Variants in RUNX1 observed in about 807,000 individuals in gnomAD.
The protein encoded by RUNX1 is RUNX family transcription factor 1.
A neutral mutation model predicts 42.8 loss-of-function variants in RUNX1; 19 were observed. The observed-to-expected ratio is 0.44, with a 90% CI of 0.31 to 0.65. RUNX1 has a LOEUF of 0.65. RUNX1 is among the 30% of genes least tolerant of loss of function. The pLI, the probability that RUNX1 is intolerant of heterozygous loss-of-function variation, is 0.07. For missense variants in RUNX1, 528 were observed against 672.0 expected (o/e 0.79, Z 2.37); for synonymous variants, 271 against 289.4 (o/e 0.94, Z 0.64).
At chr21:34,823,498 C>CAATG (rs1354969744) in intron 7 of RUNX1, among the ~76,000 whole-genome samples, 83 of 138,886 alleles carry the variant, frequency 6.0e-4, no homozygotes, top group African/African-American at 2.2e-3. Context: ...GGCTAGAGTA[C>CAATG]AATGGCCTGA....
chr21:35,047,042 C>T (rs921807421), intron 2 of RUNX1, among the ~76,000 whole-genome samples: 3 of 152,118 alleles, frequency 2.0e-5, no homozygotes, highest in African/African-American at 7.2e-5. Flanking sequence ...CAGCGTGTCC[C>T]TCACCATCTT....
intron 2 of RUNX1, among the ~76,000 whole-genome samples, chr21:34,945,477 C>T (rs2058557518): frequency 6.6e-6 from 1 of 152,162 alleles, no homozygotes; most frequent in Non-Finnish European, 1.5e-5. Flanking sequence ...CCTCCAAATT[C>T]TCACTATCTT....
rs190351479 is a variant in RUNX1 at position 34,881,837 on chromosome 21, T to A, written c.352-1124A>T. 5.9e-5 allele frequency among the ~76,000 whole-genome samples: 9 copies of A among 152,350 alleles called. No individual in the cohort carries two copies. In the East Asian group the frequency reaches 1.7e-3, roughly 29 times the overall value. On this transcript the variant is annotated intron_variant, in intron 4 of 8. Coordinates refer to ENST00000675419, the MANE Select transcript of RUNX1 (RefSeq NM_001754.5). ...TATCATTTAGGCCTTCTAGAAACTATTTTCTTGGTCTAGACATTTACTATT... is the reference window on the plus strand; with the variant it reads ...TATCATTTAGGCCTTCTAGAAACTAATTTCTTGGTCTAGACATTTACTATT...
rs974898619 is a variant in RUNX1 at position 34,923,582 on chromosome 21, G to C, written c.59-30619C>G. Reference sequence around the variant, plus strand: ...TTGTTGACCTAGTTTATAAAGTCTAGGCATTCCACGGGAATTCAAGGTGCA... The same window carrying C: ...TTGTTGACCTAGTTTATAAAGTCTACGCATTCCACGGGAATTCAAGGTGCA... On this transcript the variant is annotated intron_variant, in intron 2 of 8. Transcript: ENST00000675419. Among the ~76,000 whole-genome samples the C allele has an allele frequency of 2.6e-5, 4 of 152,132 alleles. No individual in the cohort carries two copies. The East Asian group carries it at 5.8e-4, about 22-fold the overall frequency.
chr21:34,849,333 T>TATAATATATA (rs2057369403), intron 6 of RUNX1, among the ~76,000 whole-genome samples: 2 of 29,450 alleles, frequency 6.8e-5, no homozygotes, highest in African/African-American at 2.1e-4. Context: ...TTATATATAC[T>TATAATATATA]ATATATATTA....
Position 34,791,195 on chromosome 21 carries a change from C to T in RUNX1, c.*940G>A, listed in dbSNP as rs566702179. The stretch of plus-strand genomic sequence containing the variant: ...TAATGTAAACAATACTTCTGGATAA[C>T]CAAGCGATCACATTACTCATTCTTT... On this transcript the variant is annotated 3_prime_UTR_variant, in exon 9 of 9. Coordinates refer to ENST00000675419, the MANE Select transcript of RUNX1 (RefSeq NM_001754.5). The T allele has an allele frequency of 7.3e-5, 17 of 233,458 alleles. No individual in the cohort carries two copies. The South Asian group carries it at 2.9e-3, about 40-fold the overall frequency. 14.5% of individuals were successfully genotyped at this position (233,458 alleles called of 1,614,324 possible). A position where few individuals can be genotyped will look rare whatever the true frequency, so the allele number is the denominator to read the frequency against.
intron 2 of RUNX1, among the ~76,000 whole-genome samples, chr21:35,033,044 T>A (rs541468344): frequency 1.8e-4 from 27 of 152,292 alleles, no homozygotes; most frequent in African/African-American, 6.3e-4. Context: ...TATCTATCCA[T>A]CTACCTGCCT....
At chr21:34,832,714 C>T (rs549195895) in intron 7 of RUNX1, among the ~76,000 whole-genome samples, 1 of 152,068 alleles carries the variant, frequency 6.6e-6, no homozygotes, top group Non-Finnish European at 1.5e-5. Flanking sequence ...ACTGAACATA[C>T]CATTTGACTT....
intron 2 of RUNX1, among the ~76,000 whole-genome samples, chr21:35,024,173 C>A (rs1245815829): frequency 6.6e-6 from 1 of 152,148 alleles, no homozygotes; most frequent in Non-Finnish European, 1.5e-5. Context: ...TCAGATCCTG[C>A]TCTTCAAGGG....
intron 2 of RUNX1, 112 bp downstream of exon 2, chr21:35,048,730 A>G: frequency 1.2e-6 from 1 of 864,418 alleles, no homozygotes; most frequent in Non-Finnish European, 2.0e-6. Flanking sequence ...CACAAACAAG[A>G]CAGGGAACTG....
chr21:34,928,679 T>TA (rs11389057), intron 2 of RUNX1, among the ~76,000 whole-genome samples: 6,343 of 140,562 alleles, frequency 0.045, 433 homozygotes, highest in African/African-American at 0.15. Flanking sequence ...GACTCCATCT[T>TA]AAAAAAAAAA....
At chr21:35,029,736 G>C (rs1290640876) in intron 2 of RUNX1, among the ~76,000 whole-genome samples, 4 of 152,090 alleles carry the variant, frequency 2.6e-5, no homozygotes, top group Admixed American at 2.0e-4. Flanking sequence ...CTTCCGTCTT[G>C]GGCTTCTGGC....
At chr21:34,885,363 G>C (rs1417753040) in intron 4 of RUNX1, among the ~76,000 whole-genome samples, 1 of 152,152 alleles carries the variant, frequency 6.6e-6, no homozygotes, top group Non-Finnish European at 1.5e-5. Context: ...CAAAGGGTTA[G>C]AATGATTTAA....
chr21:34,935,315 C>T (rs1462620142), intron 2 of RUNX1, among the ~76,000 whole-genome samples: 1 of 152,070 alleles, frequency 6.6e-6, no homozygotes, highest in African/African-American at 2.4e-5. Flanking sequence ...GGACTTAAAC[C>T]TTGGTTTAAA....
At chr21:35,048,654 A>T (rs2059417618) in intron 2 of RUNX1, among the ~76,000 whole-genome samples, 188 bp downstream of exon 2, 1 of 152,232 alleles carries the variant, frequency 6.6e-6, no homozygotes, top group African/African-American at 2.4e-5. Flanking sequence ...ATTTCTGAAG[A>T]GCTTCCATCT....
rs190362689 is a variant in RUNX1, at chr21:34,874,470, G to A, written c.508+6087C>T. Among the ~76,000 whole-genome samples, 255 of 151,622 alleles carry A rather than the reference G, an allele frequency of 1.7e-3. 1 individual carries two copies. Among genetic ancestry groups the A allele is most frequent in the African/African-American group, 5.8e-3 (240 of 41,326 alleles). On this transcript the variant is annotated intron_variant, in intron 5 of 8. Transcript: ENST00000675419. The stretch of plus-strand genomic sequence containing the variant: ...ACTAAAAATACAAAATTAGCCAGGC[G>A]TGGTGGTGGATGCCTGTAATCCCCA...
chr21:34,913,458 A>G (rs1799363099), intron 2 of RUNX1, among the ~76,000 whole-genome samples: 3 of 152,228 alleles, frequency 2.0e-5, no homozygotes, highest in African/African-American at 7.2e-5. Context: ...ACCCCAGGCC[A>G]GGAGTGTCAG....
At chr21:35,042,171 G>T in intron 2 of RUNX1, among the ~76,000 whole-genome samples, 1 of 152,132 alleles carries the variant, frequency 6.6e-6, no homozygotes, top group East Asian at 1.9e-4. Flanking sequence ...ACTGAAAATA[G>T]GTGTGAACTT....
intron 2 of RUNX1, among the ~76,000 whole-genome samples, chr21:34,997,629 A>C (rs1358353652): frequency 6.6e-6 from 1 of 152,252 alleles, no homozygotes; most frequent in Admixed American, 6.5e-5. Flanking sequence ...AGACTTTCAA[A>C]GAGAGGGGCT....
Sources: gnomAD v4.1 joint callset for allele counts (sites outside exome capture counted in the v4.1 genomes callset) on GRCh38, gnomAD v4.1.1 for gene constraint, MANE v1.5 for transcripts, NCBI Gene and HGNC (gene_info 2026-07-23, HGNC 2026-07-21) for gene names.